CENPI: variants seen among roughly 807,000 people sequenced by gnomAD.
CENPI encodes FSH primary response 1.
In CENPI, 4 loss-of-function variants were observed where a neutral mutation model predicts 60.4. That is an observed-to-expected ratio of 0.07 (90% confidence interval 0.03 to 0.15). The LOEUF (loss-of-function observed/expected upper bound fraction) is 0.15, where lower values mean the gene tolerates loss of function less well. Ranked by LOEUF, CENPI falls within the 10% of genes least tolerant of loss-of-function variation. CENPI has a pLI of 1.00. For missense variants in CENPI, 444 were observed against 534.5 expected (o/e 0.83, Z 1.67); for synonymous variants, 157 against 189.4 (o/e 0.83, Z 1.40).
chrX:101,116,257 C>T (rs756702460), intron 6 of CENPI, among the ~76,000 whole-genome samples: 68 of 110,851 alleles, frequency 6.1e-4, no homozygotes, highest in Non-Finnish European at 1.1e-3. Flanking sequence ...TGAGGCCCAA[C>T]GCAAATTCAT....
chrX:101,142,379 C>T (rs2089922274), intron 16 of CENPI, among the ~76,000 whole-genome samples: 1 of 111,839 alleles, frequency 8.9e-6, no homozygotes, highest in African/African-American at 3.2e-5. Flanking sequence ...CAATATTTGG[C>T]ATTATATAGT....
At chrX:101,102,490 T>TACACACACACACACACACACAC (rs776207901) in intron 4 of CENPI, 79 bp downstream of exon 4, 35 of 292,608 alleles carry the variant, frequency 1.2e-4, no homozygotes, top group Non-Finnish European at 1.4e-4. Flanking sequence ...AAATCTTATA[T>TACACACACACACACACACACAC]ATATATACAC....
intron 15 of CENPI, among the ~76,000 whole-genome samples, chrX:101,138,203 G>C (rs1243108507): frequency 3.8e-5 from 4 of 105,134 alleles, no homozygotes; most frequent in African/African-American, 1.4e-4. Flanking sequence ...GGCCAGGCTG[G>C]TCTCGAACTC....
chrX:101,116,497 G>A (rs918243423), intron 6 of CENPI, among the ~76,000 whole-genome samples: 2 of 111,371 alleles, frequency 1.8e-5, no homozygotes, highest in African/African-American at 6.5e-5. Context: ...GTTTGATATG[G>A]TGGCGGGGAA....
chrX:101,102,516 C>CACACACACATATAT (rs778560144), intron 4 of CENPI, 105 bp downstream of exon 4: 1 of 211,996 alleles, frequency 4.7e-6, no homozygotes. Flanking sequence ...CACACACACA[C>CACACACACATATAT]ATATATATAT....
chrX:101,145,265 T>C (rs2089952816), intron 17 of CENPI, 66 bp downstream of exon 17: 1 of 923,371 alleles, frequency 1.1e-6, no homozygotes, highest in African/African-American at 1.9e-5. Flanking sequence ...TGGCTTATTA[T>C]TTAAATTTCA....
At chrX:101,180,932 A>G in the CENPI span, among the ~76,000 whole-genome samples, 2 of 111,134 alleles carry the variant, frequency 1.8e-5, no homozygotes, top group African/African-American at 3.3e-5. Context: ...ACACATGGCT[A>G]ATTTTTATTT....
chrX:101,114,689 G>T (rs1464608252), intron 6 of CENPI, among the ~76,000 whole-genome samples: 2 of 111,922 alleles, frequency 1.8e-5, no homozygotes, highest in Non-Finnish European at 3.8e-5. Flanking sequence ...GCCCAGGCTG[G>T]AGTGCAGTGG....
chrX:101,173,693 G>T, the CENPI span, among the ~76,000 whole-genome samples: 2 of 110,495 alleles, frequency 1.8e-5, no homozygotes, highest in Non-Finnish European at 3.8e-5. Flanking sequence ...AACAAGAAAA[G>T]CTAGAGGAAA....
chrX:101,143,467 A>G (rs2089933702), intron 16 of CENPI, among the ~76,000 whole-genome samples: 1 of 112,052 alleles, frequency 8.9e-6, no homozygotes. Context: ...AGAATAAAAG[A>G]TGCCAAAAAT....
At chrX:101,169,294 A>C (rs1363393173), downstream of CENPI, among the ~76,000 whole-genome samples, 2 of 112,558 alleles carry the variant, frequency 1.8e-5, no homozygotes, top group Non-Finnish European at 3.8e-5. Context: ...TACACATCCA[A>C]CAAGCTCAAG....
At chrX:101,162,430 CAACA>C (rs1475179843) in intron 21 of CENPI, among the ~76,000 whole-genome samples, 2 of 74,206 alleles carry the variant, frequency 2.7e-5, no homozygotes, top group African/African-American at 5.8e-5. Flanking sequence ...CCAGCTTGGG[CAACA>C]AACAGAGCAA....
intron 13 of CENPI, among the ~76,000 whole-genome samples, chrX:101,130,673 T>C (rs755618039): frequency 8.9e-6 from 1 of 112,526 alleles, no homozygotes; most frequent in Non-Finnish European, 1.9e-5. Flanking sequence ...GTAAATTTCA[T>C]AGGGTCACTA....
intron 12 of CENPI, among the ~76,000 whole-genome samples, chrX:101,129,439 T>C (rs2148194026): frequency 9.0e-6 from 1 of 111,111 alleles, no homozygotes; most frequent in South Asian, 3.8e-4. Flanking sequence ...AATATTTCTT[T>C]TGACCAAATT....
chrX:101,118,885 T>C (rs1452074051), intron 6 of CENPI, among the ~76,000 whole-genome samples: 5 of 111,625 alleles, frequency 4.5e-5, no homozygotes, highest in Non-Finnish European at 9.4e-5. Flanking sequence ...TTCTTTCTTT[T>C]AAAAAAAGAT....
Position 101,164,777 on chromosome X carries a change from A to G in CENPI, c.*1810A>G, listed in dbSNP as rs758035252. Among the ~76,000 whole-genome samples, 1 of 112,709 alleles carries G rather than the reference A, an allele frequency of 8.9e-6. No homozygotes were observed. The highest frequency in any genetic ancestry group is 1.9e-5 in the Non-Finnish European group (1 of 53,407). On this transcript the variant is annotated 3_prime_UTR_variant, in exon 22 of 22. Transcript: ENST00000682095. ...TTTTTTTGTATCTTTTGAGATTATC[A>G]TATGGCTTTTGTCCTTCATTCTGTT... is the stretch of plus-strand genomic sequence containing the variant.
intron 15 of CENPI, among the ~76,000 whole-genome samples, chrX:101,134,707 T>TA (rs752549599): frequency 1.8e-5 from 2 of 111,305 alleles, no homozygotes; most frequent in Admixed American, 9.6e-5. Context: ...AGAAGGCTGA[T>TA]AAACCTGAAA....
At chrX:101,109,430 G>T in intron 4 of CENPI, 43 bp from the exon 5 acceptor site, 1 of 983,546 alleles carries the variant, frequency 1.0e-6, no homozygotes, top group Non-Finnish European at 1.4e-6. Context: ...AAGAACAATC[G>T]AGACACTAAA....
chrX:101,151,460 G>A (rs1474696906), intron 20 of CENPI, among the ~76,000 whole-genome samples: 2 of 111,406 alleles, frequency 1.8e-5, no homozygotes, highest in Non-Finnish European at 1.9e-5. Flanking sequence ...ACTCCTTACC[G>A]TAGCATTAGC....
Sources: allele counts gnomAD v4.1 joint callset (sites outside exome capture counted in the v4.1 genomes callset), GRCh38; gene constraint gnomAD v4.1.1; transcripts MANE v1.5; gene names NCBI Gene and HGNC (gene_info 2026-07-23, HGNC 2026-07-21).